The following ARPC2 variants were observed in gnomAD, a reference collection of about 807,000 sequenced individuals.
ARPC2 encodes the protein actin related protein 2/3 complex subunit 2.
A neutral mutation model predicts 38.6 loss-of-function variants in ARPC2; 4 were observed. The observed-to-expected ratio is 0.10, with a 90% confidence interval of 0.05 to 0.24. The LOEUF (loss-of-function observed/expected upper bound fraction) is 0.24, where lower values mean the gene tolerates loss of function less well. Ranked by LOEUF, ARPC2 falls within the 10% of genes least tolerant of loss-of-function variation. ARPC2 has a pLI of 1.00. For synonymous variants in ARPC2, 125 were observed against 140.8 expected, an observed-to-expected ratio of 0.89 and a Z score of 0.79; for missense variants, 229 against 387.3, an observed-to-expected ratio of 0.59 and a Z score of 3.43.
intron 2 of ARPC2, among the ~76,000 whole-genome samples, chr2:218,220,202 G>A (rs1430909382): frequency 9.9e-5 from 15 of 152,178 alleles, no homozygotes; most frequent in Admixed American, 5.2e-4. Context: ...GAAAGGCTTT[G>A]CTGGTGTGGG....
At chr2:218,252,161 T>G (rs754067255) in intron 10 of ARPC2, among the ~76,000 whole-genome samples, 3 of 152,034 alleles carry the variant, frequency 2.0e-5, no homozygotes, top group Non-Finnish European at 4.4e-5. Flanking sequence ...AGGCAGAGGT[T>G]GCGGTGAGCT....
At chr2:218,220,515 C>T (rs1689358533) in intron 2 of ARPC2, among the ~76,000 whole-genome samples, 1 of 152,066 alleles carries the variant, frequency 6.6e-6, no homozygotes, top group African/African-American at 2.4e-5. Flanking sequence ...AGCACTGTTC[C>T]AGCTTCTGAA....
rs199578440 is a variant in ARPC2, at chr2:218,234,370, G to A, written c.241G>A (p.Gly81Arg). The A allele has an allele frequency of 3.1e-5, 49 of 1,605,902 alleles. No homozygotes were observed. The highest frequency in any genetic ancestry group is 8.4e-5 in the Admixed American group (5 of 59,572). The change falls in exon 5 of 11, where the codon GGG becomes AGG. Residue 81 changes from glycine (G) to arginine (R), a missense_variant. Gly to Arg is a moderately radical substitution (Grantham distance 125). Around this residue, in one of 3 missense-constraint regions of ARPC2, gnomAD observed 135 missense variants for 214.1 expected, o/e 0.63. Coordinates refer to ENST00000315717, the MANE Select transcript of ARPC2 (RefSeq NM_152862.3). ...TTTCTAGTTATTAAAGAGGGTGTAC[G>A]GGAGTTTCTTGGTAAATCCAGAATC... Reference protein sequence around the residue: ...GADELLKRVYGSFLVNPESGY... With the variant: ...GADELLKRVYRSFLVNPESGY...
At chr2:218,245,944 G>A (rs1024855207) in intron 8 of ARPC2, among the ~76,000 whole-genome samples, 2 of 152,072 alleles carry the variant, frequency 1.3e-5, no homozygotes, top group Non-Finnish European at 2.9e-5. Flanking sequence ...GGCTGGGCAC[G>A]GTGGTTCATG....
chr2:218,248,006 C>T (rs1399943257), intron 8 of ARPC2, among the ~76,000 whole-genome samples: 1 of 151,626 alleles, frequency 6.6e-6, no homozygotes, highest in Non-Finnish European at 1.5e-5. Flanking sequence ...ATCTCAACTC[C>T]TGGCCTCAAG....
intron 10 of ARPC2, among the ~76,000 whole-genome samples, chr2:218,250,123 T>C (rs994376652): frequency 6.6e-6 from 1 of 152,182 alleles, no homozygotes; most frequent in Non-Finnish European, 1.5e-5. Context: ...TTCCGTATCT[T>C]TGTGAGCTAT....
At chr2:218,240,531 A>G (rs557734483) in intron 7 of ARPC2, among the ~76,000 whole-genome samples, 1 of 152,264 alleles carries the variant, frequency 6.6e-6, no homozygotes, top group East Asian at 1.9e-4. Context: ...TGTTGAACTG[A>G]CAGACTGAGC....
chr2:218,247,372 T>C (rs1478599939), intron 8 of ARPC2, among the ~76,000 whole-genome samples: 6 of 152,222 alleles, frequency 3.9e-5, no homozygotes, highest in Non-Finnish European at 7.3e-5. Context: ...CTGGAATGTC[T>C]CCTTTGTGAA....
chr2:218,217,517 C>T lies in ARPC2; in HGVS notation c.47C>T (p.Ala16Val). The change falls in exon 2 of 11, where the codon GCG becomes GTG. Residue 16 changes from alanine to valine, a missense_variant. Transcript: ENST00000315717. ...VNNRIIEETL[A>V]LKFENAAAGN... The stretch of plus-strand genomic sequence containing the variant: ...AACCGCATCATCGAGGAGACGCTCG[C>T]GCTCAAGTTCGAGAACGCGGCCGCC... The T allele has an allele frequency of 6.2e-7, 1 of 1,613,676 alleles. No individual in the cohort carries two copies. Among genetic ancestry groups the T allele is most frequent in the Non-Finnish European group, 8.5e-7 (1 of 1,179,806 alleles).
intron 5 of ARPC2, 119 bp downstream of exon 5, chr2:218,234,516 C>A: frequency 1.2e-6 from 1 of 851,096 alleles, no homozygotes; most frequent in South Asian, 1.7e-5. Flanking sequence ...TCTGCATGAG[C>A]CCATTCCTAA....
chr2:218,234,254 C>A, intron 4 of ARPC2, 98 bp from the exon 5 acceptor site: 1 of 925,154 alleles, frequency 1.1e-6, no homozygotes, highest in Non-Finnish European at 1.6e-6. Flanking sequence ...AGAATGCCAA[C>A]TTAGGAAGAG....
Position 218,217,205 on chromosome 2 carries a change from TGGCGGCGGCGGC to T in ARPC2, c.-51_-40del. ...ACCGGGCTTGTCGGTGAAGCGGCAG[TGGCGGCGGCGGC>T]GGCGGCTCGGCAGGCGGGTTCAGGC... On this transcript the variant is annotated 5_prime_UTR_variant, in exon 1 of 11. Transcript: ENST00000315717. 2.3e-6 allele frequency: 1 copy of T among 431,374 alleles called. No individual in the cohort carries two copies. The highest frequency in any genetic ancestry group is 4.1e-6 in the Non-Finnish European group (1 of 244,024). 26.7% of individuals were successfully genotyped at this position (431,374 alleles called of 1,614,324 possible).
Position 218,249,927 on chromosome 2 carries a change from T to A in ARPC2, c.878+6T>A. The A allele has an allele frequency of 6.2e-7, 1 of 1,602,440 alleles. No homozygotes were observed. The highest frequency in any genetic ancestry group is 8.5e-7 in the Non-Finnish European group (1 of 1,173,320). On this transcript the variant is annotated splice_donor_region_variant and intron_variant, in intron 10 of 10. Coordinates refer to ENST00000315717, the MANE Select transcript of ARPC2 (RefSeq NM_152862.3). ...AAAGAAATGAAAACAATCACGTAAG[T>A]TAGGCAGCACCCCAGCGACCACCTT...
rs956336518 is a variant in ARPC2, at chr2:218,249,174, G to A, written c.677-190G>A. 4.6e-5 allele frequency among the ~76,000 whole-genome samples: 7 copies of A among 152,140 alleles called. No homozygotes were observed. In the East Asian group the frequency reaches 5.8e-4, roughly 13 times the overall value. On this transcript the variant is annotated intron_variant, in intron 8 of 10. Transcript: ENST00000315717. ...ATCGTGGGCTCCTCCATTCACGCTCGTTGACACCTTTCCTGGCCATGCTGT... is the reference window on the plus strand; with the variant it reads ...ATCGTGGGCTCCTCCATTCACGCTCATTGACACCTTTCCTGGCCATGCTGT...
At chr2:218,252,178 G>A (rs1461597499) in intron 10 of ARPC2, among the ~76,000 whole-genome samples, 3 of 151,934 alleles carry the variant, frequency 2.0e-5, no homozygotes, top group Non-Finnish European at 2.9e-5. Context: ...AGCTAAGATC[G>A]CACCATTGCA....
At chr2:218,217,809 C>G (rs1211502256) in intron 2 of ARPC2, among the ~76,000 whole-genome samples, 1 of 152,162 alleles carries the variant, frequency 6.6e-6, no homozygotes, top group Non-Finnish European at 1.5e-5. Flanking sequence ...ACCTGTGGGA[C>G]GTGGGGGACC....
intron 2 of ARPC2, among the ~76,000 whole-genome samples, chr2:218,218,375 A>ACCAATCGTAAACT (rs1310420237): frequency 6.6e-6 from 1 of 152,178 alleles, no homozygotes; most frequent in East Asian, 1.9e-4. Flanking sequence ...TGTCTTTACG[A>ACCAATCGTAAACT]TTGGACTTTT....
intron 2 of ARPC2, among the ~76,000 whole-genome samples, chr2:218,222,534 C>G (rs1042522381): frequency 1.5e-4 from 23 of 152,150 alleles, no homozygotes; most frequent in Admixed American, 1.2e-3. Flanking sequence ...TGAGGACTTA[C>G]CCAGCCGGCT....
At chr2:218,252,188 A>C (rs1690207666) in intron 10 of ARPC2, among the ~76,000 whole-genome samples, 2 of 152,022 alleles carry the variant, frequency 1.3e-5, no homozygotes, top group African/African-American at 4.8e-5. Flanking sequence ...GCACCATTGC[A>C]CTCCAGCCTG....
Sources: allele counts gnomAD v4.1 joint callset (sites outside exome capture counted in the v4.1 genomes callset), GRCh38; gene constraint gnomAD v4.1.1; regional missense constraint gnomAD v4.1.1; transcripts MANE v1.5; gene names NCBI Gene and HGNC (gene_info 2026-07-23, HGNC 2026-07-21).